Variants in RGS6 observed in about 807,000 individuals in gnomAD.
RGS6 encodes the protein regulator of G-protein signaling 6.
In RGS6, 30 loss-of-function variants were observed where a neutral mutation model predicts 78.5. The observed-to-expected ratio is 0.38, with a 90% CI of 0.29 to 0.52. The LOEUF is 0.52. Ranked by LOEUF, RGS6 falls within the 20% of genes least tolerant of loss-of-function variation. The pLI, the probability that RGS6 is intolerant of heterozygous loss-of-function variation, is 0.85. For missense variants in RGS6, 495 were observed against 609.7 expected (o/e 0.81, Z 1.98); for synonymous variants, 206 against 206.0 (o/e 1.00, Z 0.00).
At chr14:72,073,333 G>T (rs1189314467) in intron 2 of RGS6, among the ~76,000 whole-genome samples, 1 of 152,170 alleles carries the variant, frequency 6.6e-6, no homozygotes, top group African/African-American at 2.4e-5. Context: ...TGAGAGTTAA[G>T]TTCCTGCAGC....
chr14:71,907,188 T>G, the RGS6 span, among the ~76,000 whole-genome samples: 5 of 152,350 alleles, frequency 3.3e-5, no homozygotes, highest in East Asian at 7.7e-4. Context: ...GTAATTCTAT[T>G]AATCAGTTAA....
chr14:71,923,326 A>G, the RGS6 span, among the ~76,000 whole-genome samples: 1 of 152,230 alleles, frequency 6.6e-6, no homozygotes, highest in Non-Finnish European at 1.5e-5. Flanking sequence ...CAGAGTCTAT[A>G]TATTCTGTGC....
intron 2 of RGS6, among the ~76,000 whole-genome samples, chr14:72,326,281 A>T (rs2073739530): frequency 6.6e-6 from 1 of 152,228 alleles, no homozygotes. Context: ...GTATGTTACC[A>T]TTATTGTAAA....
chr14:72,164,070 G>A (rs1262922504), intron 2 of RGS6, among the ~76,000 whole-genome samples: 1 of 152,110 alleles, frequency 6.6e-6, no homozygotes, highest in African/African-American at 2.4e-5. Context: ...AGAAGGTTTT[G>A]TGGGGGAAAT....
chr14:72,215,567 C>CCGTTTCCATTGGCTGGAACGGGACCT (rs2045365004), intron 2 of RGS6, among the ~76,000 whole-genome samples: 1 of 152,142 alleles, frequency 6.6e-6, no homozygotes, highest in Admixed American at 6.5e-5. Context: ...CTGCTGTGTC[C>CCGTTTCCATTGGCTGGAACGGGACCT]CGTTTCCATT....
the RGS6 span, among the ~76,000 whole-genome samples, chr14:72,598,951 T>C: frequency 2.0e-5 from 3 of 152,184 alleles, no homozygotes; most frequent in Non-Finnish European, 4.4e-5. Context: ...GGATTCTCTA[T>C]TACCCTAAAC....
At chr14:72,373,595 T>G (rs2083966606) in intron 3 of RGS6, among the ~76,000 whole-genome samples, 1 of 152,214 alleles carries the variant, frequency 6.6e-6, no homozygotes. Flanking sequence ...GGCAGTCAGT[T>G]CAGAGACTCC....
rs60280790 is a variant in RGS6, at chr14:72,453,615, C to CAAAA, written c.185-891_185-888dup. On this transcript the variant is annotated intron_variant, in intron 3 of 17. Transcript: ENST00000553525. ...TGGGCGACAGAGCGAGACTCCGTCT[C>CAAAA]AAAAAAAAAAAAAAAAAAAAAAAAA... Among the ~76,000 whole-genome samples the CAAAA allele has an allele frequency of 4.2e-4, 22 of 52,054 alleles. 1 individual carries two copies. Among genetic ancestry groups the CAAAA allele is most frequent in the African/African-American group, 1.1e-3 (16 of 15,110 alleles). 34.1% of individuals were successfully genotyped at this position (52,054 alleles called of 152,430 possible).
intron 15 of RGS6, among the ~76,000 whole-genome samples, chr14:72,532,933 G>A (rs1475523811): frequency 6.6e-6 from 1 of 152,256 alleles, no homozygotes; most frequent in Non-Finnish European, 1.5e-5. Context: ...TATAGAAGCT[G>A]CAGCAAGTTA....
chr14:72,004,692 G>T (rs1241555074), intron 2 of RGS6, among the ~76,000 whole-genome samples: 1 of 152,102 alleles, frequency 6.6e-6, no homozygotes, highest in African/African-American at 2.4e-5. Flanking sequence ...AGGCATGGTG[G>T]CATACACCTG....
At chr14:72,483,252 C>A (rs2096417904) in intron 12 of RGS6, among the ~76,000 whole-genome samples, 1 of 152,238 alleles carries the variant, frequency 6.6e-6, no homozygotes, top group South Asian at 2.1e-4. Context: ...GCTTACACCA[C>A]AATCACTGCA....
In RGS6 at chr14:72,564,286, T is replaced by A. The variant is rs764932842; in HGVS notation, c.*1819T>A. The A allele has an allele frequency of 6.6e-6, 1 of 152,254 alleles. No individual in the cohort carries two copies. Among genetic ancestry groups the A allele is most frequent in the East Asian group, 1.9e-4 (1 of 5,200 alleles). 9.4% of individuals were successfully genotyped at this position (152,254 alleles called of 1,614,324 possible). ...GTGGAAACCAGAGAGATGACAGATG[T>A]TGAGTCCTCAGTGTCTCAGAGGCAG... On this transcript the variant is annotated 3_prime_UTR_variant, in exon 18 of 18. Transcript: ENST00000553525.
the RGS6 span, among the ~76,000 whole-genome samples, chr14:72,593,114 G>T: frequency 1.3e-5 from 2 of 152,148 alleles, no homozygotes; most frequent in Admixed American, 1.3e-4. Context: ...GAAGCTGCAG[G>T]AGAGGACAGA....
At chr14:72,386,833 C>T (rs1156827102) in intron 3 of RGS6, among the ~76,000 whole-genome samples, 1 of 152,106 alleles carries the variant, frequency 6.6e-6, no homozygotes, top group Non-Finnish European at 1.5e-5. Flanking sequence ...AGCAAACATG[C>T]CATTCACTTG....
intron 3 of RGS6, among the ~76,000 whole-genome samples, chr14:72,354,042 A>C (rs1246558006): frequency 3.9e-5 from 6 of 152,116 alleles, no homozygotes; most frequent in African/African-American, 9.7e-5. Flanking sequence ...ACGCACACAC[A>C]GGGTCAATAT....
At chr14:72,489,735 C>T (rs902359678) in intron 12 of RGS6, among the ~76,000 whole-genome samples, 5 of 114,710 alleles carry the variant, frequency 4.4e-5, no homozygotes, top group East Asian at 2.3e-4. Flanking sequence ...AGAGGCAAGG[C>T]GAGGTGAGAC....
intron 17 of RGS6, among the ~76,000 whole-genome samples, chr14:72,560,927 G>T (rs1461166863): frequency 6.6e-6 from 1 of 151,806 alleles, no homozygotes; most frequent in Admixed American, 6.6e-5. Context: ...TCAAGGAGAG[G>T]TAGGGAAAGG....
intron 2 of RGS6, among the ~76,000 whole-genome samples, chr14:72,172,188 A>G (rs2097030707): frequency 6.6e-6 from 1 of 151,990 alleles, no homozygotes; most frequent in African/African-American, 2.4e-5. Flanking sequence ...GCAAAAATCA[A>G]GAACTGTGAC....
chr14:72,520,446 T>C (rs887288120), intron 15 of RGS6, among the ~76,000 whole-genome samples: 3 of 152,270 alleles, frequency 2.0e-5, no homozygotes, highest in African/African-American at 7.2e-5. Context: ...AGAAGGCACA[T>C]GTCTAGCCAC....
Sources: allele counts gnomAD v4.1 joint callset (sites outside exome capture counted in the v4.1 genomes callset), GRCh38; gene constraint gnomAD v4.1.1; transcripts MANE v1.5; gene names NCBI Gene and HGNC (gene_info 2026-07-23, HGNC 2026-07-21).